GOT1: variants seen among roughly 807,000 people sequenced by gnomAD.
GOT1 encodes the protein glutamic-oxaloacetic transaminase 1.
Under a neutral mutation model 48.2 loss-of-function variants are expected in GOT1, and 25 were observed. The observed-to-expected ratio is 0.52, with a 90% CI of 0.38 to 0.72. GOT1 has a LOEUF of 0.72. GOT1 is among the 30% of genes least tolerant of loss of function. The probability of loss-of-function intolerance (pLI) is 0.00; values close to 1 mark genes in which losing one functional copy is unlikely to be tolerated. For missense variants in GOT1, 380 were observed against 520.1 expected (o/e 0.73, Z 2.62); for synonymous variants, 188 against 193.8 (o/e 0.97, Z 0.25).
intron 8 of GOT1, among the ~76,000 whole-genome samples, chr10:99,401,599 G>A (rs1221646247): frequency 1.3e-5 from 2 of 151,508 alleles, no homozygotes; most frequent in South Asian, 2.1e-4. Context: ...GCCGGGAGGC[G>A]GAGGTTGCAG....
At chr10:99,427,490 C>G (rs1437407424) in intron 1 of GOT1, among the ~76,000 whole-genome samples, 1 of 152,164 alleles carries the variant, frequency 6.6e-6, no homozygotes, top group Non-Finnish European at 1.5e-5. Context: ...AGGATGGTCT[C>G]AATCTCCTGA....
intron 5 of GOT1, among the ~76,000 whole-genome samples, chr10:99,404,858 G>A (rs1032341131): frequency 2.6e-5 from 4 of 152,052 alleles, no homozygotes; most frequent in Non-Finnish European, 5.9e-5. Context: ...ACCATGCTCC[G>A]TCCTCTGCAG....
intron 8 of GOT1, among the ~76,000 whole-genome samples, chr10:99,398,634 G>C (rs1384422024): frequency 6.6e-6 from 1 of 151,758 alleles, no homozygotes; most frequent in Non-Finnish European, 1.5e-5. Context: ...TCACACCACT[G>C]CACTCCAGCC....
At chr10:99,416,033 A>G (rs1373996426) in intron 2 of GOT1, among the ~76,000 whole-genome samples, 1 of 152,220 alleles carries the variant, frequency 6.6e-6, no homozygotes, top group Non-Finnish European at 1.5e-5. Context: ...AACGGGCACA[A>G]GACAGGGATG....
intron 7 of GOT1, 138 bp from the exon 8 acceptor site, chr10:99,402,860 G>A (rs770644988): frequency 1.2e-5 from 8 of 677,708 alleles, no homozygotes; most frequent in Admixed American, 5.1e-5. Flanking sequence ...GTGGATGTCT[G>A]GATGGGTGGA....
chr10:99,428,588 C>T (rs961317937), intron 1 of GOT1, among the ~76,000 whole-genome samples: 1 of 152,204 alleles, frequency 6.6e-6, no homozygotes, highest in African/African-American at 2.4e-5. Context: ...GAACTCCTGA[C>T]CTCAGGTGAT....
chr10:99,423,827 TA>T (rs2033002691), intron 1 of GOT1, among the ~76,000 whole-genome samples: 1 of 151,778 alleles, frequency 6.6e-6, no homozygotes, highest in African/African-American at 2.4e-5. Flanking sequence ...TTTTTTTTTT[TA>T]AATTTTTCAT....
intron 1 of GOT1, among the ~76,000 whole-genome samples, chr10:99,427,491 A>T (rs533727483): frequency 1.1e-4 from 16 of 152,236 alleles, no homozygotes; most frequent in Admixed American, 2.0e-4. Flanking sequence ...GGATGGTCTC[A>T]ATCTCCTGAC....
In GOT1 at chr10:99,420,800, G is replaced by A. The variant is rs751629331; in HGVS notation, c.124C>T (p.Arg42Cys). The A allele has an allele frequency of 7.4e-6, 12 of 1,612,666 alleles. No homozygotes were observed. The highest frequency in any genetic ancestry group is 3.3e-5 in the Admixed American group (2 of 59,946). The change falls in exon 2 of 9, where the codon CGC (arginine) becomes TGC (cysteine). Residue 42 changes from arginine to cysteine, a missense_variant. Coordinates refer to ENST00000370508, the MANE Select transcript of GOT1 (RefSeq NM_002079.3). ...RKVNLGVGAY[R>C]TDDCHPWVLP... is the part of the protein sequence containing the mutation. ...ACCCAGGGATGGCAGTCATCCGTGC[G>A]ATATGCTGGAGAATGGAAAAGAGTT...
chr10:99,411,595 T>C (rs1284275846), intron 2 of GOT1, among the ~76,000 whole-genome samples: 1 of 152,238 alleles, frequency 6.6e-6, no homozygotes, highest in East Asian at 1.9e-4. Flanking sequence ...TCCTGCTCCA[T>C]TTTTATAGCA....
rs769195018 is a variant in GOT1, at chr10:99,403,857, G to C, written c.660C>G (p.Pro220=). The part of the protein sequence containing the change: ...ASVMKHRFLF[P]FFDSAYQGFA... ...AGCCCTGATAGGCTGAGTCAAAGAA[G>C]GGGAACAGAAACCGGTGCTGCGGGG... The change falls in exon 6 of 9, where the codon CCC becomes CCG. Residue 220 remains proline, a synonymous_variant. Coordinates refer to ENST00000370508, the MANE Select transcript of GOT1 (RefSeq NM_002079.3). 6.2e-7 allele frequency: 1 copy of C among 1,613,820 alleles called. No homozygotes were observed. The highest frequency in any genetic ancestry group is 1.7e-5 in the Admixed American group (1 of 60,030).
At chr10:99,406,054 C>A (rs1390814904) in intron 4 of GOT1, 83 bp downstream of exon 4, 4 of 960,520 alleles carry the variant, frequency 4.2e-6, no homozygotes, top group African/African-American at 1.6e-5. Flanking sequence ...TCTCAGACTC[C>A]TTCACTTAGC....
rs772753323 is a variant in GOT1, at chr10:99,430,442, C to G, written c.118+6G>C. The G allele has an allele frequency of 2.5e-6, 4 of 1,605,158 alleles. No homozygotes were observed. Among genetic ancestry groups the G allele is most frequent in the Non-Finnish European group, 3.4e-6 (4 of 1,174,998 alleles). ...CTGCTCACACTCCAGAGCACTACAT[C>G]CTTACCTCCCACTCCCAGGTTGACC... is the stretch of plus-strand genomic sequence containing the variant. On this transcript the variant is annotated splice_donor_region_variant and intron_variant, in intron 1 of 8. Transcript: ENST00000370508.
At chr10:99,414,389 C>T (rs887007906) in intron 2 of GOT1, among the ~76,000 whole-genome samples, 1 of 152,062 alleles carries the variant, frequency 6.6e-6, no homozygotes, top group Non-Finnish European at 1.5e-5. Flanking sequence ...AGAAGAGCTA[C>T]CTATCCTAAA....
chr10:99,404,153 T>C (rs531485988), intron 5 of GOT1, among the ~76,000 whole-genome samples: 4 of 152,320 alleles, frequency 2.6e-5, no homozygotes, highest in African/African-American at 9.6e-5. Context: ...AAGGAGACAA[T>C]GTCCTACATT....
chr10:99,406,932 A>C, intron 2 of GOT1, 83 bp from the exon 3 acceptor site: 2 of 1,275,528 alleles, frequency 1.6e-6, no homozygotes, highest in East Asian at 2.4e-5. Context: ...ATGAGCACTT[A>C]CTCTATGCCT....
chr10:99,418,896 T>C (rs1016343937), intron 2 of GOT1, among the ~76,000 whole-genome samples: 1 of 152,226 alleles, frequency 6.6e-6, no homozygotes, highest in Non-Finnish European at 1.5e-5. Flanking sequence ...TAATAATCTC[T>C]ATACTCTTAA....
At position 99,397,542 on chromosome 10, in the gene GOT1, T is replaced by C; in HGVS notation, c.*5A>G. On this transcript the variant is annotated 3_prime_UTR_variant, in exon 9 of 9. Coordinates refer to ENST00000370508, the MANE Select transcript of GOT1 (RefSeq NM_002079.3). The surrounding 1 kb of genome is among the most constrained non-coding windows in gnomAD (Gnocchi z 5.4). ...CTTTGGTGGTACTGGACGGGTGGTGTTTCTTCACTGGATTTTGGTGACTGC... is the reference window on the plus strand; with the variant it reads ...CTTTGGTGGTACTGGACGGGTGGTGCTTCTTCACTGGATTTTGGTGACTGC... 1 of 1,613,736 alleles carries C rather than the reference T, an allele frequency of 6.2e-7. No individual in the cohort carries two copies. The highest frequency in any genetic ancestry group is 8.5e-7 in the Non-Finnish European group (1 of 1,179,958).
At chr10:99,411,551 C>T (rs1177150559) in intron 2 of GOT1, among the ~76,000 whole-genome samples, 1 of 152,264 alleles carries the variant, frequency 6.6e-6, no homozygotes, top group Non-Finnish European at 1.5e-5. Context: ...CTAGTTAAAA[C>T]TGTATCCACT....
Sources: gnomAD v4.1 joint callset for allele counts (sites outside exome capture counted in the v4.1 genomes callset) on GRCh38, gnomAD v4.1.1 for gene constraint, Gnocchi (gnomAD v3.1) non-coding constraint, MANE v1.5 for transcripts, NCBI Gene and HGNC (gene_info 2026-07-23, HGNC 2026-07-21) for gene names.